The following C1QTNF12 variants were observed in gnomAD, a reference collection of about 807,000 sequenced individuals.
C1QTNF12 encodes the protein adipolin.
Under a neutral mutation model 34.3 loss-of-function variants are expected in C1QTNF12, and 39 were observed. The ratio of observed to expected loss-of-function variants is 1.14; its 90% CI spans 0.88 to 1.49. C1QTNF12 has a LOEUF of 1.49. Among genes scored for constraint, C1QTNF12 ranks in the 40% most tolerant of loss-of-function variants. The probability of loss-of-function intolerance (pLI) is 0.00; values close to 1 mark genes in which losing one functional copy is unlikely to be tolerated. For synonymous variants in C1QTNF12, 220 were observed against 196.9 expected (o/e 1.12, Z -0.98); for missense variants, 497 against 424.7 (o/e 1.17, Z -1.50).
intron 5 of C1QTNF12, 61 bp downstream of exon 5, chr1:1,243,383 G>T: frequency 6.9e-7 from 1 of 1,451,618 alleles, no homozygotes; most frequent in Non-Finnish European, 9.4e-7. Context: ...GATGCCAGGC[G>T]CCCCCAGAAA....
rs756931981 is a variant in C1QTNF12 at position 1,243,086 on chromosome 1, A to C, written c.707T>G (p.Ile236Ser). The C allele has an allele frequency of 1.3e-6, 2 of 1,588,444 alleles. No homozygotes were observed. The highest frequency in any genetic ancestry group is 8.6e-7 in the Non-Finnish European group (1 of 1,168,308). The change falls in exon 6 of 8, where the codon ATT (isoleucine) becomes AGT (serine). Residue 236 changes from isoleucine (I) to serine (S), a missense_variant. Physicochemically the swap from Ile to Ser is moderately radical, Grantham distance 142 (BLOSUM62 -2). Transcript: ENST00000330388. ...CGTGTGGCGCTGGCACAGGGACTCAATACAGATGAGAACACACACCACGTC... is the reference window on the plus strand; with the variant it reads ...CGTGTGGCGCTGGCACAGGGACTCACTACAGATGAGAACACACACCACGTC... ...ARDVVCVLICIESLCQRHTCL... is the reference protein window; with the variant it reads ...ARDVVCVLICSESLCQRHTCL...
At chr1:1,243,275 G>A (rs1291920874) in intron 5 of C1QTNF12, 123 bp from the exon 6 acceptor site, 27 of 1,008,836 alleles carry the variant, frequency 2.7e-5, no homozygotes, top group Non-Finnish European at 3.8e-5. Flanking sequence ...GGGAGGGGGC[G>A]CCTGAGGCCA....
In C1QTNF12 at chr1:1,246,521, G is replaced by A. The variant is rs894635066; in HGVS notation, c.170C>T (p.Ala57Val). The change falls in exon 1 of 8, where the codon GCC (alanine) becomes GTC (valine). Residue 57 changes from alanine (A) to valine (V), a missense_variant. Ala to Val is a moderately conservative substitution (Grantham distance 64). Transcript: ENST00000330388. The surrounding 1 kb of genome is among the most constrained non-coding windows in gnomAD (Gnocchi z 4.5). ...SASSREGLPE[A>V]PKPSQASGPE... is the part of the protein sequence containing the mutation. ...TGCGTCCCGGCCGCGTACCTTGGGG[G>A]CCTCGGGCAGCCCCTCGCGGGAGGA... is the stretch of plus-strand genomic sequence containing the variant. 4 of 1,233,430 alleles carry A rather than the reference G, an allele frequency of 3.2e-6. No homozygotes were observed. Among genetic ancestry groups the A allele is most frequent in the Non-Finnish European group, 4.0e-6 (4 of 988,492 alleles). The allele number at this position is 1,233,430 out of a possible 1,614,324, so 76.4% of individuals were successfully genotyped here. A position where few individuals can be genotyped will look rare whatever the true frequency, so the allele number is the denominator to read the frequency against.
At position 1,244,230 on chromosome 1, in the gene C1QTNF12, C is replaced by T. The variant is rs764137839; in HGVS notation, c.340G>A (p.Ala114Thr). 8 of 1,597,838 alleles carry T rather than the reference C, an allele frequency of 5.0e-6. No individual in the cohort carries two copies. Among genetic ancestry groups the T allele is most frequent in the African/African-American group, 4.0e-5 (3 of 74,308 alleles). Reference sequence around the variant, plus strand: ...TGAAACTCGTGAAGCAGAGTCTCCGCGGTCACTTCTGCACCTGGAGGTCCT... The same window carrying T: ...TGAAACTCGTGAAGCAGAGTCTCCGTGGTCACTTCTGCACCTGGAGGTCCT... ...PPGPPGAEVT[A>T]ETLLHEFQEL... The change falls in exon 3 of 8, where the codon GCG (alanine) becomes ACG (threonine). Residue 114 changes from alanine (A) to threonine (T), a missense_variant. Ala to Thr is a moderately conservative substitution (Grantham distance 58). Transcript: ENST00000330388.
rs1364788718 is a variant in C1QTNF12 at position 1,246,002 on chromosome 1, C to T, written c.177+512G>A. On this transcript the variant is annotated intron_variant, in intron 1 of 7. Transcript: ENST00000330388. This position sits in a 1 kb window ranked among gnomAD's most constrained non-coding sequence, Gnocchi z 4.5. ...GTCTTTGTGAGGACGCCCGGCCTGA[C>T]TGGGGCCCCAGGACTTAACCCGCAA... Among the ~76,000 whole-genome samples, 1 of 152,126 alleles carries T rather than the reference C, an allele frequency of 6.6e-6. No individual in the cohort carries two copies. The highest frequency in any genetic ancestry group is 1.9e-4 in the East Asian group (1 of 5,182).
chr1:1,242,829 A>C lies in C1QTNF12; in HGVS notation c.810+6T>G. 6.2e-7 allele frequency: 1 copy of C among 1,612,062 alleles called. No individual in the cohort carries two copies. The highest frequency in any genetic ancestry group is 8.5e-7 in the Non-Finnish European group (1 of 1,179,584). ...GCCCTCCCGCTCACACCCGGCCCGGACTCACCTGCAGCTGCAGCAGCCCCT... is the reference window on the plus strand; with the variant it reads ...GCCCTCCCGCTCACACCCGGCCCGGCCTCACCTGCAGCTGCAGCAGCCCCT... On this transcript the variant is annotated splice_donor_region_variant and intron_variant, in intron 7 of 7. Transcript: ENST00000330388.
chr1:1,242,780 C>T, intron 7 of C1QTNF12, 55 bp downstream of exon 7: 1 of 1,594,324 alleles, frequency 6.3e-7, no homozygotes, highest in South Asian at 1.1e-5. Flanking sequence ...GAGCTCACAC[C>T]CGGCCCAGCC....
chr1:1,242,859 C>T lies in C1QTNF12; in HGVS notation c.786G>A (p.Gln262=). The stretch of plus-strand genomic sequence containing the variant: ...CCTGCAGCTGCAGCAGCCCCTGCAC[C>T]TGTAGCGTGAAGACCCTGCTGTTGC... ...LESNSRVFTL[Q]VQGLLQLQAG... is the part of the protein sequence containing the mutation. Residue 262 remains glutamine (Q), a synonymous_variant, in exon 7 of 8, where the codon CAG becomes CAA. Coordinates refer to ENST00000330388, the MANE Select transcript of C1QTNF12 (RefSeq NM_001014980.3). 1.2e-6 allele frequency: 2 copies of T among 1,612,432 alleles called. No individual in the cohort carries two copies. The highest frequency in any genetic ancestry group is 1.7e-6 in the Non-Finnish European group (2 of 1,179,766).
rs1393664540 is a variant in C1QTNF12 at position 1,244,180 on chromosome 1, G to A, written c.379+11C>T. Reference sequence around the variant, plus strand: ...GCACGTCTGGTCTCTGGGCAGTGCAGGGCGGCTGACCTTTCAGCAGCTCCT... The same window carrying A: ...GCACGTCTGGTCTCTGGGCAGTGCAAGGCGGCTGACCTTTCAGCAGCTCCT... On this transcript the variant is annotated intron_variant, in intron 3 of 7. Coordinates refer to ENST00000330388, the MANE Select transcript of C1QTNF12 (RefSeq NM_001014980.3). 6.3e-7 allele frequency: 1 copy of A among 1,575,330 alleles called. No homozygotes were observed. The highest frequency in any genetic ancestry group is 8.6e-7 in the Non-Finnish European group (1 of 1,161,244).
rs79597171 is a variant in C1QTNF12, at chr1:1,246,024, G to C, written c.177+490C>G. 6.6e-6 allele frequency among the ~76,000 whole-genome samples: 1 copy of C among 152,040 alleles called. No homozygotes were observed. The highest frequency in any genetic ancestry group is 2.4e-5 in the African/African-American group (1 of 41,382). ...TGACTGGGGCCCCAGGACTTAACCC[G>C]CAAGAGGGGGTGCTAGCTACACAGG... On this transcript the variant is annotated intron_variant, in intron 1 of 7. Coordinates refer to ENST00000330388, the MANE Select transcript of C1QTNF12 (RefSeq NM_001014980.3). The surrounding 1 kb of genome is among the most constrained non-coding windows in gnomAD (Gnocchi z 4.5).
Position 1,246,536 on chromosome 1 carries a change from T to C in C1QTNF12, c.155A>G (p.Glu52Gly). 1 of 1,236,596 alleles carries C rather than the reference T, an allele frequency of 8.1e-7. No individual in the cohort carries two copies. 76.6% of individuals were successfully genotyped at this position (1,236,596 alleles called of 1,614,324 possible). A position where few individuals can be genotyped will look rare whatever the true frequency, so the allele number is the denominator to read the frequency against. The change falls in exon 1 of 8, where the codon GAG (glutamate) becomes GGG (glycine). Residue 52 changes from glutamate (E) to glycine (G), a missense_variant. Glu to Gly is a moderately conservative substitution (Grantham distance 98, BLOSUM62 -2). Coordinates refer to ENST00000330388, the MANE Select transcript of C1QTNF12 (RefSeq NM_001014980.3). The surrounding 1 kb of genome is among the most constrained non-coding windows in gnomAD (Gnocchi z 4.5). Reference sequence around the variant, plus strand: ...TACCTTGGGGGCCTCGGGCAGCCCCTCGCGGGAGGACGCGCTGGCGGTGGC... The same window carrying C: ...TACCTTGGGGGCCTCGGGCAGCCCCCCGCGGGAGGACGCGCTGGCGGTGGC... ...PNATASASSR[E>G]GLPEAPKPSQ...
intron 4 of C1QTNF12, 144 bp downstream of exon 4, chr1:1,243,810 C>A: frequency 8.3e-7 from 1 of 1,202,376 alleles, no homozygotes; most frequent in Non-Finnish European, 1.1e-6. Flanking sequence ...CCAACCCTGA[C>A]CCGAGGCAGC....
chr1:1,246,701 C>T lies in C1QTNF12; in HGVS notation c.-11G>A, dbSNP rs1054942245. 1 of 1,220,366 alleles carries T rather than the reference C, an allele frequency of 8.2e-7. No homozygotes were observed. 75.6% of individuals were successfully genotyped at this position (1,220,366 alleles called of 1,614,324 possible). A position where few individuals can be genotyped will look rare whatever the true frequency, so the allele number is the denominator to read the frequency against. ...GGCCCAGCGCCGCATGGCTCCGTCCCGAGGCGGCTCAGCGCGGCGAGTCTC... is the reference window on the plus strand; with the variant it reads ...GGCCCAGCGCCGCATGGCTCCGTCCTGAGGCGGCTCAGCGCGGCGAGTCTC... On this transcript the variant is annotated 5_prime_UTR_variant, in exon 1 of 8. Transcript: ENST00000330388. This position sits in a 1 kb window ranked among gnomAD's most constrained non-coding sequence, Gnocchi z 4.5.
intron 2 of C1QTNF12, 46 bp downstream of exon 2, chr1:1,244,335 A>ACCCTGTCCGGGGCTCAGACCCTC (rs1638823011): frequency 1.9e-6 from 3 of 1,594,896 alleles, no homozygotes; most frequent in Non-Finnish European, 2.6e-6. Context: ...CTACCACCAC[A>ACCCTGTCCGGGGCTCAGACCCTC]CCCTGTCCGG....
Position 1,246,407 on chromosome 1 carries a change from G to T in C1QTNF12, c.177+107C>A. 1 of 1,011,870 alleles carries T rather than the reference G, an allele frequency of 9.9e-7. No homozygotes were observed. Among genetic ancestry groups the T allele is most frequent in the Non-Finnish European group, 1.3e-6 (1 of 788,824 alleles). The allele number at this position is 1,011,870 out of a possible 1,614,324, so 62.7% of individuals were successfully genotyped here. A position where few individuals can be genotyped will look rare whatever the true frequency, so the allele number is the denominator to read the frequency against. On this transcript the variant is annotated intron_variant, in intron 1 of 7. Coordinates refer to ENST00000330388, the MANE Select transcript of C1QTNF12 (RefSeq NM_001014980.3). The surrounding 1 kb of genome is among the most constrained non-coding windows in gnomAD (Gnocchi z 4.5). ...CCGTGGCCGAGGCCTCGAAAAGGGC[G>T]ACCCGGAGGCAGAGCCGGCAGGGAC...
chr1:1,246,071 C>T lies in C1QTNF12; in HGVS notation c.177+443G>A, dbSNP rs542528231. On this transcript the variant is annotated intron_variant, in intron 1 of 7. Transcript: ENST00000330388. The surrounding 1 kb of genome is among the most constrained non-coding windows in gnomAD (Gnocchi z 4.5). ...CAGGACCCCCAGAAAGCACAAGGGA[C>T]AGGCTCGCCATGGCGTCTCCAGCCG... Among the ~76,000 whole-genome samples, 109 of 152,278 alleles carry T rather than the reference C, an allele frequency of 7.2e-4. No homozygotes were observed. Among genetic ancestry groups the T allele is most frequent in the Admixed American group, 2.0e-3 (31 of 15,306 alleles).
rs199525665 is a variant in C1QTNF12, at chr1:1,244,005, A to G, written c.480T>C (p.Gly160=). ...GCGTCCGCTTGTCCACCCGGCGGGG[A>G]CCCTGCAGCCGGCAGTGAAAGGCCT... The part of the protein sequence containing the change: ...VGEAFHCRLQ[G]PRRVDKRTLV... The change falls in exon 4 of 8, where the codon GGT becomes GGC. Residue 160 remains glycine, a synonymous_variant. Transcript: ENST00000330388. 6,151 of 1,602,642 alleles carry G rather than the reference A, an allele frequency of 3.8e-3. 113 individuals are homozygous for G. In the African/African-American group the frequency reaches 0.05, roughly 13 times the overall value.
Position 1,246,718 on chromosome 1 carries a change from G to A in C1QTNF12, c.-28C>T. 8.2e-7 allele frequency: 1 copy of A among 1,215,094 alleles called. No homozygotes were observed. Among genetic ancestry groups the A allele is most frequent in the Non-Finnish European group, 1.0e-6 (1 of 977,084 alleles). The allele number at this position is 1,215,094 out of a possible 1,614,324, so 75.3% of individuals were successfully genotyped here. Reference sequence around the variant, plus strand: ...CTCCGTCCCGAGGCGGCTCAGCGCGGCGAGTCTCGGCGCCAGGGCGCAGTC... The same window carrying A: ...CTCCGTCCCGAGGCGGCTCAGCGCGACGAGTCTCGGCGCCAGGGCGCAGTC... On this transcript the variant is annotated 5_prime_UTR_variant, in exon 1 of 8. Transcript: ENST00000330388. This position sits in a 1 kb window ranked among gnomAD's most constrained non-coding sequence, Gnocchi z 4.5.
At chr1:1,246,785 G>GCCCAGGGGCGCGC, upstream of C1QTNF12, 1 of 918,710 alleles carries the variant, frequency 1.1e-6, no homozygotes, top group Middle Eastern at 4.1e-4. This position sits in a 1 kb window ranked among gnomAD's most constrained non-coding sequence, Gnocchi z 4.5. Context: ...CGGGGGCGAG[G>GCCCAGGGGCGCGC]CCCAGGGGCG....
Sources: allele counts gnomAD v4.1 joint callset (sites outside exome capture counted in the v4.1 genomes callset), GRCh38; gene constraint gnomAD v4.1.1; non-coding constraint Gnocchi (gnomAD v3.1); transcripts MANE v1.5; gene names NCBI Gene and HGNC (gene_info 2026-07-23, HGNC 2026-07-21).